The following CCDC191 variants were observed in gnomAD, a reference collection of about 807,000 sequenced individuals.
The protein encoded by CCDC191 is coiled-coil domain-containing protein 191.
A neutral mutation model predicts 114.0 loss-of-function variants in CCDC191; 99 were observed. The observed-to-expected ratio is 0.87, with a 90% confidence interval of 0.74 to 1.03. CCDC191 has a LOEUF of 1.03. Ranked by LOEUF, CCDC191 falls within the 50% of genes least tolerant of loss-of-function variation. CCDC191 has a pLI of 0.00. For synonymous variants in CCDC191, 351 were observed against 376.0 expected (o/e 0.93, Z 0.77); for missense variants, 973 against 1,087.0 (o/e 0.90, Z 1.47).
chr3:114,002,706 T>C (rs946548275), intron 11 of CCDC191, 168 bp from the exon 12 acceptor site: 25 of 907,244 alleles, frequency 2.8e-5, no homozygotes, highest in Admixed American at 2.5e-4. Flanking sequence ...ACAGAACTTA[T>C]ATACTCTACA....
At chr3:114,020,982 T>TCA (rs1227378349) in intron 7 of CCDC191, among the ~76,000 whole-genome samples, 2 of 152,154 alleles carry the variant, frequency 1.3e-5, no homozygotes, top group Non-Finnish European at 2.9e-5. Context: ...ATGATTTACT[T>TCA]CACCAAGCTA....
At chr3:113,975,672 C>T (rs548969852) in intron 16 of CCDC191, among the ~76,000 whole-genome samples, 36 of 152,170 alleles carry the variant, frequency 2.4e-4, no homozygotes, top group African/African-American at 7.9e-4. Context: ...GACAGTGATG[C>T]AAGTAGGGTG....
At chr3:114,035,341 A>C (rs957716385) in intron 5 of CCDC191, among the ~76,000 whole-genome samples, 193 bp from the exon 6 acceptor site, 1 of 152,178 alleles carries the variant, frequency 6.6e-6, no homozygotes, top group African/African-American at 2.4e-5. Context: ...TTTTAGATGA[A>C]GTCAGATGAA....
At chr3:113,966,090 T>G (rs941213852) in intron 16 of CCDC191, among the ~76,000 whole-genome samples, 1 of 151,952 alleles carries the variant, frequency 6.6e-6, no homozygotes, top group African/African-American at 2.4e-5. Context: ...AACGCAAAAA[T>G]GATGGAAAAT....
intron 9 of CCDC191, among the ~76,000 whole-genome samples, chr3:114,008,834 A>T (rs1208205767): frequency 6.6e-6 from 1 of 152,174 alleles, no homozygotes; most frequent in Non-Finnish European, 1.5e-5. Flanking sequence ...AGATATATAT[A>T]CAGTCATGCA....
chr3:114,042,295 T>A (rs1401104843), intron 4 of CCDC191, among the ~76,000 whole-genome samples: 1 of 152,098 alleles, frequency 6.6e-6, no homozygotes, highest in Non-Finnish European at 1.5e-5. Flanking sequence ...CAATAAAAAA[T>A]AATAAACATT....
At chr3:114,036,525 CTA>C (rs2076485871) in intron 5 of CCDC191, 81 bp downstream of exon 5, 1 of 961,692 alleles carries the variant, frequency 1.0e-6, no homozygotes, top group Non-Finnish European at 1.5e-6. Flanking sequence ...ATAATAAAGC[CTA>C]TGTCTTTATT....
rs1439927822 is a variant in CCDC191 at position 113,965,154 on chromosome 3, C to CATGA, written c.2811_*1insTCAT. 1 of 1,589,268 alleles carries CATGA rather than the reference C, an allele frequency of 6.3e-7. No homozygotes were observed. The highest frequency in any genetic ancestry group is 8.6e-7 in the Non-Finnish European group (1 of 1,166,408). On this transcript the variant is annotated 3_prime_UTR_variant, in exon 17 of 17. Coordinates refer to ENST00000295878, the MANE Select transcript of CCDC191 (RefSeq NM_020817.2). ...TGTCCTAAATATTACACTAATCTGG[C>CATGA]TCATTCGTTCACCAGACTTGTCTTA...
Position 114,049,054 on chromosome 3 carries a change from A to T in CCDC191, c.130-2322T>A, listed in dbSNP as rs569786972. Among the ~76,000 whole-genome samples, 3 of 152,370 alleles carry T rather than the reference A, an allele frequency of 2.0e-5. No homozygotes were observed. In the East Asian group the frequency reaches 5.8e-4, roughly 29 times the overall value. On this transcript the variant is annotated intron_variant, in intron 2 of 16. Coordinates refer to ENST00000295878, the MANE Select transcript of CCDC191 (RefSeq NM_020817.2). ...TTCCATCCAAATTCTTGTGCGTTTCATACATTAGCTTTAAGTCAGACAGAA... is the reference window on the plus strand; with the variant it reads ...TTCCATCCAAATTCTTGTGCGTTTCTTACATTAGCTTTAAGTCAGACAGAA...
intron 7 of CCDC191, among the ~76,000 whole-genome samples, chr3:114,024,964 T>A (rs2076299145): frequency 6.6e-6 from 1 of 152,198 alleles, no homozygotes; most frequent in South Asian, 2.1e-4. Context: ...CTGATTTTCA[T>A]AATTTTACCC....
intron 14 of CCDC191, 73 bp downstream of exon 14, chr3:113,980,577 A>G (rs963444684): frequency 7.2e-7 from 1 of 1,389,758 alleles, no homozygotes; most frequent in Non-Finnish European, 9.6e-7. Flanking sequence ...CCCTCCCCCA[A>G]GCTTAACTGG....
chr3:113,984,600 T>C (rs2075287815), intron 13 of CCDC191: 2 of 152,192 alleles, frequency 1.3e-5, no homozygotes, highest in East Asian at 3.9e-4. Context: ...AAGAAGACAA[T>C]TGCCATGTGC....
At chr3:114,027,527 A>G (rs1186059526) in intron 7 of CCDC191, among the ~76,000 whole-genome samples, 1 of 139,530 alleles carries the variant, frequency 7.2e-6, no homozygotes, top group African/African-American at 2.7e-5. Context: ...GCTTGAACCT[A>G]GGAGGTGGAG....
intron 13 of CCDC191, among the ~76,000 whole-genome samples, chr3:113,981,309 G>GA (rs1372951698): frequency 2.0e-5 from 3 of 152,164 alleles, no homozygotes; most frequent in South Asian, 4.2e-4. Flanking sequence ...TTCTAAGAAG[G>GA]AAAAAGATGA....
Position 114,002,547 on chromosome 3 carries a change from T to G in CCDC191, c.1979-9A>C, listed in dbSNP as rs777070958. On this transcript the variant is annotated splice_polypyrimidine_tract_variant and intron_variant, in intron 11 of 16. Transcript: ENST00000295878. ...TGCTCTCTCTTCCATAGCTAGAAAA[T>G]AGTAACAGAGTTCTAATATTTTTTA... 6.3e-7 allele frequency: 1 copy of G among 1,595,726 alleles called. No individual in the cohort carries two copies. Among genetic ancestry groups the G allele is most frequent in the Admixed American group, 1.7e-5 (1 of 58,574 alleles).
rs199806660 is a variant in CCDC191 at position 114,010,772 on chromosome 3, C to T, written c.1413G>A (p.Gln471=). ...TTACTAAGCAGGAAAAACAACGTACCTGTCCATTTTTTACTGGTGGACCCA... is the reference window on the plus strand; with the variant it reads ...TTACTAAGCAGGAAAAACAACGTACTTGTCCATTTTTTACTGGTGGACCCA... ...AMVGPPVKNG[Q]ETAVPPLWEK... The change falls in exon 9 of 17, where the codon CAG becomes CAA. Residue 471 remains glutamine, a splice_region_variant and synonymous_variant. Coordinates refer to ENST00000295878, the MANE Select transcript of CCDC191 (RefSeq NM_020817.2). 1 of 1,603,558 alleles carries T rather than the reference C, an allele frequency of 6.2e-7. No individual in the cohort carries two copies. The highest frequency in any genetic ancestry group is 8.5e-7 in the Non-Finnish European group (1 of 1,173,792).
At chr3:114,051,351 C>T (rs2076696048) in intron 2 of CCDC191, among the ~76,000 whole-genome samples, 1 of 152,174 alleles carries the variant, frequency 6.6e-6, no homozygotes, top group Non-Finnish European at 1.5e-5. Flanking sequence ...TATCTTACTG[C>T]ATCCTCGAAC....
chr3:114,052,066 G>C (rs1244638898), intron 2 of CCDC191, among the ~76,000 whole-genome samples: 1 of 152,176 alleles, frequency 6.6e-6, no homozygotes, highest in Non-Finnish European at 1.5e-5. Flanking sequence ...GTGGACACAA[G>C]AGGACAAGAA....
intron 12 of CCDC191, 47 bp downstream of exon 12, chr3:114,002,409 G>A (rs761284004): frequency 7.3e-7 from 1 of 1,367,410 alleles, no homozygotes; most frequent in Non-Finnish European, 1.0e-6. Flanking sequence ...AGAAAGACCT[G>A]GACAAATCCT....
Sources: allele counts gnomAD v4.1 joint callset (sites outside exome capture counted in the v4.1 genomes callset), GRCh38; gene constraint gnomAD v4.1.1; transcripts MANE v1.5; gene names NCBI Gene and HGNC (gene_info 2026-07-23, HGNC 2026-07-21).